Variants in MYOT observed in about 807,000 individuals in gnomAD.
MYOT encodes myotilin.
A neutral mutation model predicts 58.0 loss-of-function variants in MYOT; 36 were observed. The observed-to-expected ratio is 0.62, with a 90% CI of 0.48 to 0.82. The LOEUF is 0.82. MYOT is among the 40% of genes least tolerant of loss of function. The probability of loss-of-function intolerance (pLI) is 0.00; values close to 1 mark genes in which losing one functional copy is unlikely to be tolerated. For synonymous variants in MYOT, 218 were observed against 204.6 expected, an observed-to-expected ratio of 1.07 and a Z score of -0.56; for missense variants, 505 against 592.1, an observed-to-expected ratio of 0.85 and a Z score of 1.53.
At chr5:137,879,961 G>C (rs1046743010) in intron 4 of MYOT, among the ~76,000 whole-genome samples, 2 of 152,226 alleles carry the variant, frequency 1.3e-5, no homozygotes, top group African/African-American at 2.4e-5. Context: ...AATTGTTACA[G>C]AGTTGTAAGA....
chr5:137,880,558 C>T (rs1486225845), intron 4 of MYOT: 2 of 391,636 alleles, frequency 5.1e-6, no homozygotes, highest in African/African-American at 2.1e-5. Flanking sequence ...GAAAAATGAA[C>T]CACCATCAAT....
intron 8 of MYOT, 33 bp downstream of exon 8, chr5:137,886,246 T>TATTTGGG: frequency 6.5e-7 from 1 of 1,527,300 alleles, no homozygotes; most frequent in Non-Finnish European, 9.0e-7. Flanking sequence ...TACTATAGTT[T>TATTTGGG]ATTTGGGTGA....
intron 4 of MYOT, among the ~76,000 whole-genome samples, chr5:137,879,473 TA>T (rs1269831549): frequency 6.6e-6 from 1 of 151,546 alleles, no homozygotes; most frequent in African/African-American, 2.4e-5. Flanking sequence ...TCATCACTAT[TA>T]GGGGAATTAC....
rs1326343679 is a variant in MYOT, at chr5:137,877,410, A to C, written c.532-110A>C. Reference sequence around the variant, plus strand: ...AAAAAAATAGAATCTATCATTCAATAGATAGAACTATGCTTCTTTGAAGTT... The same window carrying C: ...AAAAAAATAGAATCTATCATTCAATCGATAGAACTATGCTTCTTTGAAGTT... On this transcript the variant is annotated intron_variant, in intron 3 of 9. Coordinates refer to ENST00000239926, the MANE Select transcript of MYOT (RefSeq NM_006790.3). The C allele has an allele frequency of 7.2e-6, 5 of 694,524 alleles. No homozygotes were observed. In the East Asian group the frequency reaches 1.4e-4, roughly 19 times the overall value. The allele number at this position is 694,524 out of a possible 1,614,324, so 43.0% of individuals were successfully genotyped here.
At chr5:137,883,217 T>C (rs760033368) in intron 6 of MYOT, 167 bp from the exon 7 acceptor site, 22 of 628,700 alleles carry the variant, frequency 3.5e-5, no homozygotes, top group Non-Finnish European at 5.3e-5. Context: ...AGGATCTTAT[T>C]TCCAATGTTT....
chr5:137,868,675 G>A (rs750513498), intron 1 of MYOT, among the ~76,000 whole-genome samples: 6 of 152,106 alleles, frequency 3.9e-5, no homozygotes, highest in South Asian at 2.1e-4. Context: ...TTTCATAAGC[G>A]GTTTATTCCT....
At position 137,887,310 on chromosome 5, in the gene MYOT, A is replaced by C; in HGVS notation, c.1422A>C (p.Lys474Asn). 6.2e-7 allele frequency: 1 copy of C among 1,614,098 alleles called. No individual in the cohort carries two copies. The highest frequency in any genetic ancestry group is 8.5e-7 in the Non-Finnish European group (1 of 1,179,984). The change falls in exon 10 of 10, where the codon AAA (lysine) becomes AAC (asparagine). Residue 474 changes from lysine to asparagine, a missense_variant. Physicochemically the swap from Lys to Asn is moderately conservative, Grantham distance 94. Transcript: ENST00000239926. Reference protein sequence around the residue: ...LALNGKGLNVKQAFNPEGEFQ... With the variant: ...LALNGKGLNVNQAFNPEGEFQ... Reference sequence around the variant, plus strand: ...TTAATGGGAAAGGTTTGAATGTAAAACAAGCTTTTAACCCAGAAGGAGAAT... The same window carrying C: ...TTAATGGGAAAGGTTTGAATGTAAACCAAGCTTTTAACCCAGAAGGAGAAT...
chr5:137,873,560 T>C (rs1435317286), intron 2 of MYOT, among the ~76,000 whole-genome samples: 2 of 150,966 alleles, frequency 1.3e-5, no homozygotes, highest in Non-Finnish European at 3.0e-5. Context: ...AAAAAAAAAG[T>C]GGTCTATTAT....
At chr5:137,874,007 C>T (rs909451638) in intron 2 of MYOT, among the ~76,000 whole-genome samples, 2 of 152,194 alleles carry the variant, frequency 1.3e-5, no homozygotes, top group African/African-American at 4.8e-5. Flanking sequence ...TTATACTTAG[C>T]TCACAAGTCC....
chr5:137,885,313 AT>A (rs930464726), intron 7 of MYOT, among the ~76,000 whole-genome samples: 6 of 150,630 alleles, frequency 4.0e-5, no homozygotes, highest in East Asian at 1.9e-4. Flanking sequence ...TACTACCGGG[AT>A]TTTTTTTTTA....
intron 3 of MYOT, among the ~76,000 whole-genome samples, 141 bp from the exon 4 acceptor site, chr5:137,877,367 CAAAAAAAAAAAA>C (rs1172576383): frequency 9.5e-5 from 4 of 42,116 alleles, no homozygotes; most frequent in Non-Finnish European, 1.7e-4. Context: ...GACTCCGTCT[CAAAAAAAAAAAA>C]AAAAAAAAAA....
rs889419278 is a variant in MYOT at position 137,878,214 on chromosome 5, A to ATT, written c.633+611_633+612dup. On this transcript the variant is annotated intron_variant, in intron 4 of 9. Coordinates refer to ENST00000239926, the MANE Select transcript of MYOT (RefSeq NM_006790.3). The stretch of plus-strand genomic sequence containing the variant: ...CATCCCACAGGTTTGCACCTGATCG[A>ATT]TTTTTTTTTTTTTTTTTTTGAGACA... Among the ~76,000 whole-genome samples the ATT allele has an allele frequency of 2.5e-3, 339 of 133,958 alleles. 2 individuals carry two copies. The highest frequency in any genetic ancestry group is 8.7e-3 in the African/African-American group (312 of 36,030). The allele number at this position is 133,958 out of a possible 152,430, so 87.9% of individuals were successfully genotyped here. A position where few individuals can be genotyped will look rare whatever the true frequency, so the allele number is the denominator to read the frequency against.
At chr5:137,885,156 C>T (rs913763084) in intron 7 of MYOT, among the ~76,000 whole-genome samples, 5 of 152,196 alleles carry the variant, frequency 3.3e-5, no homozygotes, top group Admixed American at 6.5e-5. Context: ...ACTGAACTAT[C>T]GTTTCCTGTC....
At chr5:137,875,690 A>G (rs1755189645) in intron 2 of MYOT, 139 bp from the exon 3 acceptor site, 1 of 747,312 alleles carries the variant, frequency 1.3e-6, no homozygotes, top group East Asian at 2.7e-5. Flanking sequence ...CTTATAAAAT[A>G]TTTCTTGACT....
chr5:137,877,913 T>A (rs1027636467), intron 4 of MYOT, among the ~76,000 whole-genome samples: 1 of 152,178 alleles, frequency 6.6e-6, no homozygotes, highest in Non-Finnish European at 1.5e-5. Context: ...GGACTCTCTA[T>A]GGTGTCTACA....
intron 3 of MYOT, among the ~76,000 whole-genome samples, chr5:137,876,806 AAATT>A (rs1755237926): frequency 1.3e-5 from 2 of 152,110 alleles, no homozygotes; most frequent in African/African-American, 4.8e-5. Flanking sequence ...TCTGTCTCAA[AAATT>A]AATTAATTAA....
chr5:137,886,001 CT>C, intron 7 of MYOT, 46 bp from the exon 8 acceptor site: 5 of 1,318,098 alleles, frequency 3.8e-6, no homozygotes, highest in Non-Finnish European at 5.3e-6. Context: ...GATTTAATAC[CT>C]TTTTTATAAT....
At position 137,883,190 on chromosome 5, in the gene MYOT, A is replaced by C. The variant is rs2149987756; in HGVS notation, c.817-194A>C. ...AGTTATGGTTTGAGACAGTCTAAAA[A>C]TACTATGTTAATTTCAAGGATCTTA... On this transcript the variant is annotated intron_variant, in intron 6 of 9. Coordinates refer to ENST00000239926, the MANE Select transcript of MYOT (RefSeq NM_006790.3). 3 of 586,202 alleles carry C rather than the reference A, an allele frequency of 5.1e-6. 1 individual carries two copies. The highest frequency in any genetic ancestry group is 9.1e-6 in the Non-Finnish European group (3 of 331,166). 36.3% of individuals were successfully genotyped at this position (586,202 alleles called of 1,614,324 possible).
rs1755658973 is a variant in MYOT at position 137,887,808 on chromosome 5, A to G, written c.*423A>G. 6.4e-6 allele frequency: 1 copy of G among 155,458 alleles called. No individual in the cohort carries two copies. The highest frequency in any genetic ancestry group is 6.5e-5 in the Admixed American group (1 of 15,378). 9.6% of individuals were successfully genotyped at this position (155,458 alleles called of 1,614,324 possible). ...GGTATAGATTATCTGAGTGTTCCAC[A>G]GTTGTATGTCAAAAGAAAATAAAAT... On this transcript the variant is annotated 3_prime_UTR_variant, in exon 10 of 10. Transcript: ENST00000239926.
Sources: gnomAD v4.1 joint callset for allele counts (sites outside exome capture counted in the v4.1 genomes callset) on GRCh38, gnomAD v4.1.1 for gene constraint, MANE v1.5 for transcripts, NCBI Gene and HGNC (gene_info 2026-07-23, HGNC 2026-07-21) for gene names.